CFAP20DC: variants seen among roughly 807,000 people sequenced by gnomAD.
CFAP20DC encodes the protein protein CFAP20DC.
A neutral mutation model predicts 101.7 loss-of-function variants in CFAP20DC; 84 were observed. The observed-to-expected ratio is 0.83, with a 90% CI of 0.69 to 0.99. The LOEUF (loss-of-function observed/expected upper bound fraction) is 0.99, where lower values mean the gene tolerates loss of function less well. Among genes scored for constraint, CFAP20DC ranks in the 50% least tolerant of loss-of-function variants. The pLI, the probability that CFAP20DC is intolerant of heterozygous loss-of-function variation, is 0.00. For missense variants in CFAP20DC, 1,007 were observed against 970.3 expected (o/e 1.04, Z -0.50); for synonymous variants, 359 against 351.2 (o/e 1.02, Z -0.25).
intron 7 of CFAP20DC, among the ~76,000 whole-genome samples, chr3:58,877,095 T>G (rs1453436043): frequency 6.6e-6 from 1 of 152,210 alleles, no homozygotes; most frequent in Non-Finnish European, 1.5e-5. Context: ...AGTAATGCTA[T>G]TAATACCTAG....
chr3:58,986,145 A>C (rs2092743316), intron 4 of CFAP20DC, among the ~76,000 whole-genome samples: 1 of 152,234 alleles, frequency 6.6e-6, no homozygotes, highest in East Asian at 1.9e-4. Context: ...TATAAGAAAA[A>C]TGAACCTTCA....
chr3:59,044,072 T>C (rs1297982396), intron 3 of CFAP20DC, among the ~76,000 whole-genome samples: 1 of 152,152 alleles, frequency 6.6e-6, no homozygotes, highest in East Asian at 1.9e-4. Flanking sequence ...AGAAATATTA[T>C]TTTTTAAAAC....
intron 5 of CFAP20DC, among the ~76,000 whole-genome samples, chr3:58,928,642 G>A (rs1400508637): frequency 2.6e-5 from 4 of 152,136 alleles, no homozygotes; most frequent in African/African-American, 9.7e-5. Flanking sequence ...AACATATTAT[G>A]AGTAATTATG....
At position 58,891,127 on chromosome 3, in the gene CFAP20DC, TG is replaced by T. The variant is rs761725820; in HGVS notation, c.551-6419del. Among the ~76,000 whole-genome samples the T allele has an allele frequency of 4.0e-3, 612 of 151,566 alleles. 5 individuals carry two copies. Among genetic ancestry groups the T allele is most frequent in the Non-Finnish European group, 3.3e-3 (227 of 67,806 alleles). ...GAGATCACGCCACTGCACTCCAGCC[TG>T]GGCACCATTGAGCACTGAGTGAACG... On this transcript the variant is annotated intron_variant, in intron 6 of 16. Transcript: ENST00000482387.
chr3:58,824,316 C>T (rs1310613696), intron 14 of CFAP20DC: 1 of 152,054 alleles, frequency 6.6e-6, no homozygotes, highest in Non-Finnish European at 1.5e-5. Flanking sequence ...ACACAGCAAC[C>T]AGGAATATCA....
intron 14 of CFAP20DC, among the ~76,000 whole-genome samples, chr3:58,814,805 G>A (rs1270710853): frequency 6.6e-6 from 1 of 151,238 alleles, no homozygotes; most frequent in East Asian, 1.9e-4. Flanking sequence ...TACAAGGGAT[G>A]TGAAGGACCT....
At chr3:58,866,341 A>G (rs2079687553) in intron 11 of CFAP20DC, among the ~76,000 whole-genome samples, 1 of 152,168 alleles carries the variant, frequency 6.6e-6, no homozygotes, top group South Asian at 2.1e-4. Flanking sequence ...TTAAACTTTC[A>G]TTCTGAACAG....
At chr3:58,943,958 G>C (rs949464510) in intron 4 of CFAP20DC, among the ~76,000 whole-genome samples, 1 of 151,842 alleles carries the variant, frequency 6.6e-6, no homozygotes, top group East Asian at 1.9e-4. Flanking sequence ...TCAATCAAGC[G>C]GAAGAAAGGA....
At position 58,751,840 on chromosome 3, in the gene CFAP20DC, A is replaced by AACACACACAC. The variant is rs58961774; in HGVS notation, c.2332+1919_2332+1928dup. Among the ~76,000 whole-genome samples the AACACACACAC allele has an allele frequency of 2.0e-3, 285 of 140,734 alleles. 1 individual carries two copies. The highest frequency in any genetic ancestry group is 7.7e-3 in the African/African-American group (271 of 35,306). 92.3% of individuals were successfully genotyped at this position (140,734 alleles called of 152,430 possible). On this transcript the variant is annotated intron_variant, in intron 16 of 16. Coordinates refer to ENST00000482387, the MANE Select transcript of CFAP20DC (RefSeq NM_001394063.1). ...TTTGTGTCTCAGTTTCCTCAGCTGT[A>AACACACACAC]ACACACACACACACACACACACACA...
At chr3:58,817,248 G>C (rs4535244) in intron 14 of CFAP20DC, among the ~76,000 whole-genome samples, 1,972 of 152,282 alleles carry the variant, frequency 0.013, 38 homozygotes, top group African/African-American at 0.044. Flanking sequence ...TTCCTCCAAA[G>C]GAACGCAGTT....
intron 4 of CFAP20DC, among the ~76,000 whole-genome samples, chr3:58,973,891 G>T (rs1299269697): frequency 2.6e-5 from 4 of 152,134 alleles, no homozygotes; most frequent in Admixed American, 1.3e-4. Context: ...AGCAAAAAAA[G>T]AGGGAAGGAA....
rs545080053 is a variant in CFAP20DC at position 58,868,122 on chromosome 3, T to C, written c.1016-186A>G. Among the ~76,000 whole-genome samples the C allele has an allele frequency of 1.3e-5, 2 of 152,324 alleles. No individual in the cohort carries two copies. Among genetic ancestry groups the C allele is most frequent in the South Asian group, 2.1e-4 (1 of 4,830 alleles). On this transcript the variant is annotated intron_variant, in intron 9 of 16. Transcript: ENST00000482387. The surrounding 1 kb of genome is among the most constrained non-coding windows in gnomAD (Gnocchi z 4.6). Reference sequence around the variant, plus strand: ...TATTCCTATTCCGATATTGGGATCCTATCAGGCTTTCAAAATTACTGAAAC... The same window carrying C: ...TATTCCTATTCCGATATTGGGATCCCATCAGGCTTTCAAAATTACTGAAAC...
chr3:58,830,081 C>A (rs1184620491), intron 14 of CFAP20DC, among the ~76,000 whole-genome samples: 1 of 151,986 alleles, frequency 6.6e-6, no homozygotes, highest in African/African-American at 2.4e-5. Flanking sequence ...TTTCTGGGTG[C>A]GTGGATACTT....
At chr3:59,033,517 GAGCTGAAAAACAC>G (rs2094036269) in intron 4 of CFAP20DC, among the ~76,000 whole-genome samples, 1 of 152,044 alleles carries the variant, frequency 6.6e-6, no homozygotes, top group Admixed American at 6.6e-5. Context: ...TGACCTGATG[GAGCTGAAAAACAC>G]AGCACAAGAA....
intron 15 of CFAP20DC, among the ~76,000 whole-genome samples, chr3:58,758,088 C>T (rs2069130154): frequency 6.6e-6 from 1 of 152,126 alleles, no homozygotes; most frequent in African/African-American, 2.4e-5. Flanking sequence ...CCACAGAACA[C>T]ACCTTGGGAA....
rs1227519375 is a variant in CFAP20DC at position 58,849,274 on chromosome 3, C to A, written c.1729G>T (p.Ala577Ser). The A allele has an allele frequency of 6.5e-7, 1 of 1,536,100 alleles. No individual in the cohort carries two copies. The highest frequency in any genetic ancestry group is 8.7e-7 in the Non-Finnish European group (1 of 1,146,910). The change falls in exon 13 of 17, where the codon GCA (alanine) becomes TCA (serine). Residue 577 changes from alanine to serine, a missense_variant. By Grantham distance (99) the Ala-to-Ser change is moderately conservative (BLOSUM62 1). Coordinates refer to ENST00000482387, the MANE Select transcript of CFAP20DC (RefSeq NM_001394063.1). ...GAATCCTGGCTTTCTGTTGCTCCTG[C>A]TTCTGTGTAGGCGCTCCTTAGATAT... ...KEYLRSAYTE[A>S]GATESQDSSM...
At chr3:58,735,539 C>T (rs1367704006) in intron 3 of CFAP20DC, among the ~76,000 whole-genome samples, 1 of 152,130 alleles carries the variant, frequency 6.6e-6, no homozygotes, top group Non-Finnish European at 1.5e-5. Context: ...TGAAGAAGAG[C>T]AATAAAGACA....
intron 4 of CFAP20DC, among the ~76,000 whole-genome samples, chr3:58,980,280 G>A (rs958720994): frequency 3.3e-5 from 5 of 152,096 alleles, no homozygotes; most frequent in Non-Finnish European, 5.9e-5. Context: ...AGAGGTACAA[G>A]GAGGAGCTGG....
chr3:58,865,973 T>G (rs1287212202), intron 11 of CFAP20DC, among the ~76,000 whole-genome samples: 1 of 152,222 alleles, frequency 6.6e-6, no homozygotes, highest in African/African-American at 2.4e-5. Flanking sequence ...TAAATTACTG[T>G]GTAATCACAA....
Sources: allele counts gnomAD v4.1 joint callset (sites outside exome capture counted in the v4.1 genomes callset), GRCh38; gene constraint gnomAD v4.1.1; non-coding constraint Gnocchi (gnomAD v3.1); transcripts MANE v1.5; gene names NCBI Gene and HGNC (gene_info 2026-07-23, HGNC 2026-07-21).